The following STPG4 variants were observed in gnomAD, a reference collection of about 807,000 sequenced individuals.
The protein encoded by STPG4 is protein STPG4.
In STPG4, 41 loss-of-function variants were observed where a neutral mutation model predicts 31.5. The observed-to-expected ratio is 1.30, with a 90% CI of 1.01 to 1.69. STPG4 has a LOEUF of 1.69. STPG4 is among the 40% of genes most tolerant of loss of function. STPG4 has a pLI of 0.00. For synonymous variants in STPG4, 141 were observed against 103.0 expected, an observed-to-expected ratio of 1.37 and a Z score of -2.24; for missense variants, 375 against 293.4, an observed-to-expected ratio of 1.28 and a Z score of -2.03.
rs756793816 is a variant in STPG4 at position 47,153,025 on chromosome 2, A to T, written c.82-9T>A. On this transcript the variant is annotated splice_polypyrimidine_tract_variant and intron_variant, in intron 1 of 6. Transcript: ENST00000445927. ...GTCTTTTGGGCTGGTTTCTGTTAAC[A>T]AACACAAAGTATGCTTATTCATTTG... is the stretch of plus-strand genomic sequence containing the variant. 1 of 1,603,588 alleles carries T rather than the reference A, an allele frequency of 6.2e-7. No homozygotes were observed. Among genetic ancestry groups the T allele is most frequent in the Non-Finnish European group, 8.5e-7 (1 of 1,172,014 alleles).
At chr2:47,105,413 T>C (rs1685889317) in intron 5 of STPG4, among the ~76,000 whole-genome samples, 2 of 152,056 alleles carry the variant, frequency 1.3e-5, no homozygotes, top group South Asian at 4.1e-4. Flanking sequence ...AGTTTATGGC[T>C]ATCAGACAAC....
intron 5 of STPG4, among the ~76,000 whole-genome samples, chr2:47,123,717 G>C (rs1686315996): frequency 6.6e-6 from 1 of 152,030 alleles, no homozygotes; most frequent in Non-Finnish European, 1.5e-5. Flanking sequence ...TAAATCAATT[G>C]CATTAGTCAT....
intron 5 of STPG4, among the ~76,000 whole-genome samples, chr2:47,116,985 A>G (rs1044966695): frequency 5.3e-5 from 8 of 152,150 alleles, no homozygotes; most frequent in African/African-American, 1.9e-4. Context: ...CTTGGACCCA[A>G]AAGCTGAGAG....
intron 5 of STPG4, among the ~76,000 whole-genome samples, chr2:47,112,065 A>G (rs944555479): frequency 2.6e-5 from 4 of 151,952 alleles, no homozygotes; most frequent in Non-Finnish European, 5.9e-5. Context: ...TTCAAACTTA[A>G]TGTACTTTTG....
At chr2:47,139,217 C>T (rs1686657782) in intron 3 of STPG4, among the ~76,000 whole-genome samples, 2 of 152,168 alleles carry the variant, frequency 1.3e-5, no homozygotes, top group African/African-American at 4.8e-5. Flanking sequence ...TCTATTTCTC[C>T]TTGCAGTTCT....
chr2:47,095,886 G>T (rs1392545691), intron 5 of STPG4, among the ~76,000 whole-genome samples: 1 of 152,126 alleles, frequency 6.6e-6, no homozygotes, highest in Non-Finnish European at 1.5e-5. Flanking sequence ...AGGGCATATT[G>T]TGTTTCTTCC....
At chr2:47,154,464 T>C (rs1167102875) in intron 1 of STPG4, among the ~76,000 whole-genome samples, 1 of 152,230 alleles carries the variant, frequency 6.6e-6, no homozygotes, top group Non-Finnish European at 1.5e-5. Flanking sequence ...TGCTGTTTTG[T>C]TTTGCCCAAG....
intron 5 of STPG4, among the ~76,000 whole-genome samples, chr2:47,100,435 A>G (rs1216959506): frequency 6.7e-6 from 1 of 148,940 alleles, no homozygotes; most frequent in Non-Finnish European, 1.5e-5. Context: ...GAGAACCTTT[A>G]TGTCTAGCTC....
chr2:47,122,670 C>T (rs1429730055), intron 5 of STPG4, among the ~76,000 whole-genome samples: 1 of 125,326 alleles, frequency 8.0e-6, no homozygotes, highest in East Asian at 2.9e-4. Flanking sequence ...TTTCTGAGCT[C>T]TGTTCAGTTT....
intron 5 of STPG4, among the ~76,000 whole-genome samples, chr2:47,100,085 TC>T (rs1685760307): frequency 6.6e-6 from 1 of 152,072 alleles, no homozygotes; most frequent in African/African-American, 2.4e-5. Flanking sequence ...AGGTGCCCAG[TC>T]CCATCGACCA....
At position 47,153,802 on chromosome 2, in the gene STPG4, A is replaced by G. The variant is rs554034401; in HGVS notation, c.82-786T>C. On this transcript the variant is annotated intron_variant, in intron 1 of 6. Transcript: ENST00000445927. ...GGGAAAAAAAAGACTAAGGCATTGT[A>G]CTTATAAAGACTTGCATATACAATC... 1.1e-4 allele frequency among the ~76,000 whole-genome samples: 16 copies of G among 152,310 alleles called. No homozygotes were observed. In the South Asian group the frequency reaches 1.9e-3, roughly 18 times the overall value.
intron 6 of STPG4, among the ~76,000 whole-genome samples, chr2:47,088,059 TTTTGTTTTTGTTTGTTTG>T (rs1685496663): frequency 6.6e-6 from 1 of 152,000 alleles, no homozygotes; most frequent in Admixed American, 6.6e-5. Context: ...AGCCGGGGTT[TTTTGTTTTTGTTTGTTTG>T]TTTGTTTTTG....
Position 47,133,570 on chromosome 2 carries a change from C to T in STPG4, c.400-3310G>A, listed in dbSNP as rs367656524. 4.4e-3 allele frequency among the ~76,000 whole-genome samples: 295 copies of T among 67,098 alleles called. 1 individual carries two copies. Among genetic ancestry groups the T allele is most frequent in the South Asian group, 5.3e-3 (8 of 1,510 alleles). 44.0% of individuals were successfully genotyped at this position (67,098 alleles called of 152,430 possible). A position where few individuals can be genotyped will look rare whatever the true frequency, so the allele number is the denominator to read the frequency against. On this transcript the variant is annotated intron_variant, in intron 3 of 6. Coordinates refer to ENST00000445927, the MANE Select transcript of STPG4 (RefSeq NM_001163561.2). ...ATCCATGCTGATTAGGCACTCAAAT[C>T]TTTTTTTTTTTTTTTTTTTTTTTTG...
chr2:47,107,830 T>C (rs933790281), intron 5 of STPG4, among the ~76,000 whole-genome samples: 1 of 152,112 alleles, frequency 6.6e-6, no homozygotes, highest in African/African-American at 2.4e-5. Flanking sequence ...TCAAGGTTTG[T>C]AAACACACCA....
chr2:47,102,867 T>G (rs921846332), intron 5 of STPG4, among the ~76,000 whole-genome samples: 1 of 151,848 alleles, frequency 6.6e-6, no homozygotes, highest in African/African-American at 2.4e-5. Flanking sequence ...CAGATGATCC[T>G]GATAGGTACA....
chr2:47,087,753 T>A (rs1431146814), intron 6 of STPG4, among the ~76,000 whole-genome samples: 4 of 152,128 alleles, frequency 2.6e-5, no homozygotes, highest in Non-Finnish European at 5.9e-5. Context: ...TATTATTTAT[T>A]TATATATTTT....
Position 47,155,288 on chromosome 2 carries a change from C to T in STPG4, c.-37G>A, listed in dbSNP as rs1273943781. 8 of 1,608,620 alleles carry T rather than the reference C, an allele frequency of 5.0e-6. No homozygotes were observed. The highest frequency in any genetic ancestry group is 6.8e-6 in the Non-Finnish European group (8 of 1,175,504). ...CTCTCTCTAGGCTGAACCTGAGCTC[C>T]GGTTGCTAGGAGGCGGGTGTGGCCC... On this transcript the variant is annotated 5_prime_UTR_variant, in exon 1 of 7. Transcript: ENST00000445927.
chr2:47,104,345 G>T lies in STPG4; in HGVS notation c.520-13971C>A, dbSNP rs1685859275. On this transcript the variant is annotated intron_variant, in intron 5 of 6. Transcript: ENST00000445927. ...TTAGTAAGGAAATGCAGCAGTCCCTGCAACACCCCAATTCTGGGAGTAAAA... is the reference window on the plus strand; with the variant it reads ...TTAGTAAGGAAATGCAGCAGTCCCTTCAACACCCCAATTCTGGGAGTAAAA... Among the ~76,000 whole-genome samples, 3 of 151,982 alleles carry T rather than the reference G, an allele frequency of 2.0e-5. 1 individual carries two copies. The South Asian group carries it at 6.2e-4, about 32-fold the overall frequency.
In STPG4 at chr2:47,133,646, C is replaced by T. The variant is rs540108953; in HGVS notation, c.400-3386G>A. 6.5e-5 allele frequency among the ~76,000 whole-genome samples: 8 copies of T among 123,424 alleles called. No individual in the cohort carries two copies. The East Asian group carries it at 1.1e-3, about 18-fold the overall frequency. The allele number at this position is 123,424 out of a possible 152,430, so 81.0% of individuals were successfully genotyped here. Reference sequence around the variant, plus strand: ...AGGCTGGAGTGCAATGGCGCAATCTCGGCTCACCACAACCTCTGCCTCCCG... The same window carrying T: ...AGGCTGGAGTGCAATGGCGCAATCTTGGCTCACCACAACCTCTGCCTCCCG... On this transcript the variant is annotated intron_variant, in intron 3 of 6. Transcript: ENST00000445927.
Sources: gnomAD v4.1 joint callset for allele counts (sites outside exome capture counted in the v4.1 genomes callset) on GRCh38, gnomAD v4.1.1 for gene constraint, MANE v1.5 for transcripts, NCBI Gene and HGNC (gene_info 2026-07-23, HGNC 2026-07-21) for gene names.